Variants in MYO10 observed in about 807,000 individuals in gnomAD.
MYO10 encodes the protein unconventional myosin-X.
MYO10 carries 133 observed loss-of-function variants against 257.3 expected under a neutral mutation model. The observed-to-expected ratio is 0.52, with a 90% CI of 0.45 to 0.60. The LOEUF is 0.60. MYO10 is among the 20% of genes least tolerant of loss of function. MYO10 has a pLI of 0.00. For missense variants in MYO10, 2,399 were observed against 2,635.7 expected, an observed-to-expected ratio of 0.91 and a Z score of 1.97; for synonymous variants, 1,104 against 1,028.6, an observed-to-expected ratio of 1.07 and a Z score of -1.40.
chr5:16,749,847 C>G (rs1048878414), intron 19 of MYO10, among the ~76,000 whole-genome samples: 2 of 152,198 alleles, frequency 1.3e-5, no homozygotes, highest in African/African-American at 4.8e-5. Context: ...AGTCTGTTCC[C>G]TTCTTTAATT....
chr5:16,759,844 A>G (rs1740651121), intron 17 of MYO10, among the ~76,000 whole-genome samples: 1 of 152,252 alleles, frequency 6.6e-6, no homozygotes, highest in African/African-American at 2.4e-5. Context: ...ACAATGTTGT[A>G]TATAGTGAAC....
rs1313199031 is a variant in MYO10, at chr5:16,846,855, C to T, written c.121-28688G>A. Among the ~76,000 whole-genome samples the T allele has an allele frequency of 5.9e-5, 9 of 152,296 alleles. No individual in the cohort carries two copies. The South Asian group carries it at 6.2e-4, about 11-fold the overall frequency. On this transcript the variant is annotated intron_variant, in intron 2 of 40. Coordinates refer to ENST00000513610, the MANE Select transcript of MYO10 (RefSeq NM_012334.3). ...ATTTAAGGCCACGTGCGGTGGCTCA[C>T]GCCTGTAATCCCAGCACTTTGGGAG... is the stretch of plus-strand genomic sequence containing the variant.
rs1390263720 is a variant in MYO10 at position 16,670,683 on chromosome 5, A to T, written c.5726T>A (p.Leu1909Gln). 2.0e-5 allele frequency: 32 copies of T among 1,613,914 alleles called. No homozygotes were observed. The East Asian group carries it at 7.1e-4, about 36-fold the overall frequency. Residue 1909 changes from leucine (L) to glutamine (Q), a missense_variant, in exon 39 of 41, where the codon CTG becomes CAG. Around this residue, in one of 3 missense-constraint regions of MYO10, gnomAD observed 1,820 missense variants for 1,939.4 expected, o/e 0.94. Coordinates refer to ENST00000513610, the MANE Select transcript of MYO10 (RefSeq NM_012334.3). ...VRQKVEEEQM[L>Q]DMWIKEEVSS... ...GACTTCTTCCTTAATCCACATGTCC[A>T]GCATCTGCTCCTCCTCGACCTTCTG...
intron 2 of MYO10, among the ~76,000 whole-genome samples, chr5:16,824,321 G>A (rs902386394): frequency 6.6e-6 from 1 of 152,154 alleles, no homozygotes; most frequent in Admixed American, 6.6e-5. Flanking sequence ...CACTGCTGGG[G>A]ACACTCGACA....
At chr5:16,925,431 C>A (rs916561916) in intron 1 of MYO10, among the ~76,000 whole-genome samples, 6 of 152,174 alleles carry the variant, frequency 3.9e-5, no homozygotes, top group Non-Finnish European at 5.9e-5. Flanking sequence ...ACGGTATACT[C>A]CTGGGTTGCC....
At chr5:16,728,548 C>T (rs950074119) in intron 19 of MYO10, among the ~76,000 whole-genome samples, 5 of 151,910 alleles carry the variant, frequency 3.3e-5, no homozygotes, top group African/African-American at 4.8e-5. Context: ...TAGTCTCCTT[C>T]CTGAATTAAA....
chr5:16,679,322 C>A (rs1736875230), intron 33 of MYO10, among the ~76,000 whole-genome samples: 1 of 152,160 alleles, frequency 6.6e-6, no homozygotes, highest in Non-Finnish European at 1.5e-5. Flanking sequence ...GTCACCACAT[C>A]CCCATGAGCA....
At chr5:16,912,802 GCA>G (rs70943817) in intron 1 of MYO10, among the ~76,000 whole-genome samples, 7,503 of 111,494 alleles carry the variant, frequency 0.067, 242 homozygotes, top group African/African-American at 0.11. Context: ...CTACCACCCT[GCA>G]CACACACACA....
chr5:16,830,545 T>G (rs1227204204), intron 2 of MYO10, among the ~76,000 whole-genome samples: 1 of 152,142 alleles, frequency 6.6e-6, no homozygotes, highest in East Asian at 1.9e-4. Context: ...TTTCCACATT[T>G]AGGAATTTAG....
intron 1 of MYO10, among the ~76,000 whole-genome samples, chr5:16,909,290 C>T (rs564874804): frequency 1.3e-5 from 2 of 152,042 alleles, no homozygotes; most frequent in African/African-American, 4.8e-5. Flanking sequence ...GGGCGGATCA[C>T]GAGGTCAGGA....
intron 19 of MYO10, among the ~76,000 whole-genome samples, chr5:16,751,648 A>ATT (rs770395712): frequency 1.4e-5 from 2 of 140,872 alleles, no homozygotes; most frequent in African/African-American, 5.2e-5. Flanking sequence ...AACCTGGCTA[A>ATT]TTTTTTTTTT....
At chr5:16,780,405 A>G (rs1579982794) in intron 8 of MYO10, 119 bp downstream of exon 8, 2 of 952,766 alleles carry the variant, frequency 2.1e-6, no homozygotes, top group African/African-American at 1.6e-5. Flanking sequence ...CGCATAGTGT[A>G]CATTTCATTG....
At chr5:16,830,833 C>G (rs1743143925) in intron 2 of MYO10, among the ~76,000 whole-genome samples, 1 of 152,084 alleles carries the variant, frequency 6.6e-6, no homozygotes, top group South Asian at 2.1e-4. Flanking sequence ...CTATGTGATT[C>G]TATTCATAGA....
chr5:16,681,752 A>G lies in MYO10; in HGVS notation c.4189+119T>C. 3.9e-6 allele frequency: 5 copies of G among 1,289,980 alleles called. No individual in the cohort carries two copies. The South Asian group carries it at 6.2e-5, about 16-fold the overall frequency. 79.9% of individuals were successfully genotyped at this position (1,289,980 alleles called of 1,614,324 possible). A position where few individuals can be genotyped will look rare whatever the true frequency, so the allele number is the denominator to read the frequency against. On this transcript the variant is annotated intron_variant, in intron 31 of 40. Transcript: ENST00000513610. ...TCACAAATTAAAAATCACTTACAAAATCTCCAACAGTTAAAATGACTGGGA... is the reference window on the plus strand; with the variant it reads ...TCACAAATTAAAAATCACTTACAAAGTCTCCAACAGTTAAAATGACTGGGA...
At chr5:16,728,927 TTTTTC>T (rs777840312) in intron 19 of MYO10, among the ~76,000 whole-genome samples, 23 of 152,352 alleles carry the variant, frequency 1.5e-4, no homozygotes, top group African/African-American at 4.1e-4. Flanking sequence ...TTTTACTGTA[TTTTTC>T]TTTTCTTTTC....
At position 16,893,648 on chromosome 5, in the gene MYO10, A is replaced by AAG. The variant is rs1554006831; in HGVS notation, c.22-15942_22-15941insCT. ...GACTCTGTCTCAAAAAAAAAAAAAA[A>AAG]AAAAGAAAATTATTTCCCTCCTACA... On this transcript the variant is annotated intron_variant, in intron 1 of 40. Coordinates refer to ENST00000513610, the MANE Select transcript of MYO10 (RefSeq NM_012334.3). Among the ~76,000 whole-genome samples the AAG allele has an allele frequency of 1.8e-4, 27 of 146,820 alleles. 1 individual carries two copies. The highest frequency in any genetic ancestry group is 3.4e-4 in the Admixed American group (5 of 14,810).
At chr5:16,723,301 T>A (rs1739227076) in intron 19 of MYO10, among the ~76,000 whole-genome samples, 1 of 151,750 alleles carries the variant, frequency 6.6e-6, no homozygotes, top group African/African-American at 2.4e-5. Flanking sequence ...GGCAGGAGAA[T>A]GGCGTGAACC....
Position 16,783,510 on chromosome 5 carries a change from T to C in MYO10, c.468-41A>G, listed in dbSNP as rs566961344. 4 of 1,575,712 alleles carry C rather than the reference T, an allele frequency of 2.5e-6. No individual in the cohort carries two copies. The South Asian group carries it at 4.7e-5, about 19-fold the overall frequency. The stretch of plus-strand genomic sequence containing the variant: ...GAAAAGTTTGTGCTTCTAACTATAA[T>C]TTTTAAAAAAAAATCAGCTTTGGTC... On this transcript the variant is annotated intron_variant, in intron 4 of 40. Coordinates refer to ENST00000513610, the MANE Select transcript of MYO10 (RefSeq NM_012334.3).
At chr5:16,898,565 A>G (rs1745278283) in intron 1 of MYO10, among the ~76,000 whole-genome samples, 1 of 151,870 alleles carries the variant, frequency 6.6e-6, no homozygotes, top group African/African-American at 2.4e-5. Context: ...GGGGCCCGCC[A>G]CACCCGGTTA....
Sources: allele counts gnomAD v4.1 joint callset (sites outside exome capture counted in the v4.1 genomes callset), GRCh38; gene constraint gnomAD v4.1.1; regional missense constraint gnomAD v4.1.1; transcripts MANE v1.5; gene names NCBI Gene and HGNC (gene_info 2026-07-23, HGNC 2026-07-21).